NEK10: variants seen among roughly 807,000 people sequenced by gnomAD.
NEK10 encodes serine/threonine-protein kinase Nek10.
Under a neutral mutation model 159.8 loss-of-function variants are expected in NEK10, and 122 were observed. The observed-to-expected ratio is 0.76, with a 90% CI of 0.66 to 0.89. The LOEUF (loss-of-function observed/expected upper bound fraction) is 0.89, where lower values mean the gene tolerates loss of function less well. Ranked by LOEUF, NEK10 falls within the 40% of genes least tolerant of loss-of-function variation. The pLI is 0.00. For synonymous variants in NEK10, 466 were observed against 457.1 expected (o/e 1.02, Z -0.25); for missense variants, 1,342 against 1,323.1 (o/e 1.01, Z -0.22).
At chr3:27,132,353 G>A (rs2125523190) in intron 31 of NEK10, among the ~76,000 whole-genome samples, 1 of 152,254 alleles carries the variant, frequency 6.6e-6, no homozygotes, top group Non-Finnish European at 1.5e-5. Flanking sequence ...CTTATAATAT[G>A]CCTAGAACTA....
intron 1 of NEK10, chr3:27,367,617 G>A (rs1167957752): frequency 1.3e-5 from 2 of 152,198 alleles, no homozygotes; most frequent in Non-Finnish European, 2.9e-5. Context: ...TAGAGATTCA[G>A]TCAGTTAACA....
chr3:27,208,191 G>C (rs1950686183), intron 23 of NEK10, among the ~76,000 whole-genome samples: 4 of 151,810 alleles, frequency 2.6e-5, no homozygotes, highest in Non-Finnish European at 4.4e-5. Context: ...AACTAATGAG[G>C]GTGCGGAAAC....
Position 27,352,524 on chromosome 3 carries a change from C to T in NEK10, c.73G>A (p.Asp25Asn), listed in dbSNP as rs534489829. The T allele has an allele frequency of 2.1e-5, 34 of 1,605,366 alleles. 1 individual carries two copies. In the South Asian group the frequency reaches 3.2e-4, roughly 15 times the overall value. ...CGAAGTCTTTTAAGATCTGAATAGT[C>T]CCTAGGAGAGAGAATAACACAATGT... is the stretch of plus-strand genomic sequence containing the variant. ...TDKQQEITIRDYSDLKRLRCL... is the reference protein window; with the variant it reads ...TDKQQEITIRNYSDLKRLRCL... Residue 25 changes from aspartate (D) to asparagine (N), a missense_variant and splice_region_variant, in exon 3 of 36, where the codon GAC (aspartate) becomes AAC (asparagine). Physicochemically the swap from Asp to Asn is conservative, Grantham distance 23 (BLOSUM62 1). Transcript: ENST00000691995.
intron 5 of NEK10, among the ~76,000 whole-genome samples, chr3:27,327,802 C>A (rs879089417): frequency 2.0e-5 from 3 of 152,098 alleles, no homozygotes; most frequent in African/African-American, 7.2e-5. Context: ...ACCAAAACAA[C>A]CTGCCATCTT....
rs758220222 is a variant in NEK10, at chr3:27,287,692, A to T, written c.1789+6T>A. 1.9e-6 allele frequency: 3 copies of T among 1,565,514 alleles called. No individual in the cohort carries two copies. Among genetic ancestry groups the T allele is most frequent in the Non-Finnish European group, 2.6e-6 (3 of 1,162,118 alleles). ...ATTTAGAAATATCATGAAAACTCAT[A>T]CTTACTTTCCAGAAATGTTTTGTAA... On this transcript the variant is annotated splice_donor_region_variant and intron_variant, in intron 20 of 35. Coordinates refer to ENST00000691995, the MANE Select transcript of NEK10 (RefSeq NM_001394966.1).
intron 29 of NEK10, among the ~76,000 whole-genome samples, chr3:27,170,773 T>G (rs1946909856): frequency 6.6e-6 from 1 of 152,116 alleles, no homozygotes; most frequent in Non-Finnish European, 1.5e-5. Flanking sequence ...ATTTCTTCCT[T>G]AATCTGCCTT....
chr3:27,327,032 T>C (rs1036800493), intron 5 of NEK10, among the ~76,000 whole-genome samples: 1 of 152,172 alleles, frequency 6.6e-6, no homozygotes, highest in Non-Finnish European at 1.5e-5. Flanking sequence ...TGAATAATAG[T>C]GACAGATTGT....
intron 1 of NEK10, among the ~76,000 whole-genome samples, chr3:27,361,339 T>TC (rs1256699810): frequency 6.6e-6 from 1 of 152,166 alleles, no homozygotes; most frequent in Non-Finnish European, 1.5e-5. Context: ...TGTGCCTGTG[T>TC]TAGAGCAAAT....
chr3:27,348,287 G>A (rs2047711179), intron 3 of NEK10, among the ~76,000 whole-genome samples: 1 of 152,176 alleles, frequency 6.6e-6, no homozygotes, highest in African/African-American at 2.4e-5. Flanking sequence ...AGCCAGCACA[G>A]AGAAAGCAAG....
intron 32 of NEK10, among the ~76,000 whole-genome samples, chr3:27,126,628 T>A (rs2090908): frequency 0.99 from 150,392 of 152,174 alleles, 74,316 homozygotes; most frequent in East Asian, 1. Flanking sequence ...CCTTCCCCAG[T>A]CCTACTGAAT....
intron 7 of NEK10, among the ~76,000 whole-genome samples, chr3:27,313,034 G>A (rs1033961980): frequency 2.6e-5 from 4 of 151,274 alleles, no homozygotes; most frequent in Non-Finnish European, 4.4e-5. Context: ...ACTCAAAAAC[G>A]TGATCAGAAA....
intron 22 of NEK10, among the ~76,000 whole-genome samples, chr3:27,256,967 GTGCAGTGGTGCGATCTCGGC>G (rs569354746): frequency 2.6e-3 from 369 of 142,214 alleles, no homozygotes; most frequent in African/African-American, 9.4e-3. Flanking sequence ...CCAGGTTGGA[GTGCAGTGGTGCGATCTCGGC>G]TCACTGAAAC....
chr3:27,222,358 G>A (rs185988508), intron 23 of NEK10, among the ~76,000 whole-genome samples: 28 of 152,280 alleles, frequency 1.8e-4, no homozygotes, highest in East Asian at 5.8e-4. Context: ...GGGCGACAGC[G>A]AGACTCCGTC....
At chr3:27,358,456 A>C (rs1426346175) in intron 1 of NEK10, among the ~76,000 whole-genome samples, 1 of 152,188 alleles carries the variant, frequency 6.6e-6, no homozygotes, top group South Asian at 2.1e-4. Context: ...AGAAACTCTC[A>C]GAAGTAATTT....
At chr3:27,295,553 A>G in intron 15 of NEK10, 60 bp downstream of exon 15, 1 of 1,518,504 alleles carries the variant, frequency 6.6e-7, no homozygotes, top group Non-Finnish European at 8.9e-7. Context: ...AGATCATTTT[A>G]CCATAGTTAC....
At chr3:27,365,619 T>TTTTTG (rs532122617) in intron 1 of NEK10, among the ~76,000 whole-genome samples, 5,640 of 137,696 alleles carry the variant, frequency 0.041, 168 homozygotes, top group African/African-American at 0.11. Context: ...TGTTTTTTTT[T>TTTTTG]TTTTTTTTTT....
chr3:27,140,271 G>A (rs560396676), intron 31 of NEK10, among the ~76,000 whole-genome samples: 16 of 152,296 alleles, frequency 1.1e-4, no homozygotes, highest in South Asian at 2.1e-4. Context: ...ACAGTTTCCA[G>A]ATGCAAGTCA....
chr3:27,139,773 G>T (rs1943592522), intron 31 of NEK10, among the ~76,000 whole-genome samples: 1 of 152,188 alleles, frequency 6.6e-6, no homozygotes, highest in African/African-American at 2.4e-5. Flanking sequence ...CAAAGGCTCA[G>T]AGAGACGGGC....
At chr3:27,126,544 C>T (rs372088797) in intron 32 of NEK10, among the ~76,000 whole-genome samples, 6 of 152,130 alleles carry the variant, frequency 3.9e-5, no homozygotes, top group African/African-American at 1.4e-4. Context: ...AGGTTTGCCA[C>T]TCAAAGTGTG....
Sources: allele counts gnomAD v4.1 joint callset (sites outside exome capture counted in the v4.1 genomes callset), GRCh38; gene constraint gnomAD v4.1.1; transcripts MANE v1.5; gene names NCBI Gene and HGNC (gene_info 2026-07-23, HGNC 2026-07-21).